Variants in USP34 observed in about 807,000 individuals in gnomAD.
USP34 encodes ubiquitin carboxyl-terminal hydrolase 34.
Under a neutral mutation model 460.3 loss-of-function variants are expected in USP34, and 70 were observed. That is an observed-to-expected ratio of 0.15 (90% CI 0.13 to 0.19). The LOEUF (loss-of-function observed/expected upper bound fraction) is 0.19, where lower values mean the gene tolerates loss of function less well. USP34 is among the 10% of genes least tolerant of loss of function. The probability of loss-of-function intolerance (pLI) is 1.00; values close to 1 mark genes in which losing one functional copy is unlikely to be tolerated. For missense variants in USP34, 3,985 were observed against 4,236.2 expected (o/e 0.94, Z 1.65); for synonymous variants, 1,647 against 1,405.3 (o/e 1.17, Z -3.85).
intron 10 of USP34, among the ~76,000 whole-genome samples, chr2:61,356,239 G>A (rs578154778): frequency 6.6e-6 from 1 of 151,278 alleles, no homozygotes; most frequent in South Asian, 2.1e-4. Flanking sequence ...TGTAATCCCA[G>A]CACTTTGGGA....
chr2:61,402,640 T>C (rs1693756261), intron 3 of USP34, among the ~76,000 whole-genome samples: 1 of 152,204 alleles, frequency 6.6e-6, no homozygotes, highest in Non-Finnish European at 1.5e-5. Flanking sequence ...GAGTTTTGAA[T>C]CTTGTCCTCC....
At chr2:61,204,810 A>G (rs1244962127) in intron 72 of USP34, among the ~76,000 whole-genome samples, 4 of 152,212 alleles carry the variant, frequency 2.6e-5, no homozygotes, top group Admixed American at 6.5e-5. Context: ...ATTTGGAAAC[A>G]AAAGATTAAA....
chr2:61,217,531 G>A (rs1687437763), intron 67 of USP34, among the ~76,000 whole-genome samples: 1 of 152,140 alleles, frequency 6.6e-6, no homozygotes. Context: ...CTTCACTACT[G>A]TAATTTTAAC....
In USP34 at chr2:61,188,643, C is replaced by G. The variant is rs773549884; in HGVS notation, c.10100G>C (p.Ser3367Thr). The stretch of plus-strand genomic sequence containing the variant: ...TTCTGTTTTCATGTCACTGATGCAG[C>G]TGTCTACAGTGTGCTCCTCATCACT... Reference protein sequence around the residue: ...VSSDEEHTVDSCISDMKTETR... With the variant: ...VSSDEEHTVDTCISDMKTETR... The change falls in exon 80 of 80, where the codon AGC becomes ACC. Residue 3367 changes from serine to threonine, a missense_variant. By Grantham distance (58) the Ser-to-Thr change is moderately conservative. Coordinates refer to ENST00000398571, the MANE Select transcript of USP34 (RefSeq NM_014709.4). 6.2e-7 allele frequency: 1 copy of G among 1,614,166 alleles called. No homozygotes were observed. The highest frequency in any genetic ancestry group is 8.5e-7 in the Non-Finnish European group (1 of 1,180,036).
chr2:61,225,187 TTAAA>T (rs1288679832), intron 62 of USP34, among the ~76,000 whole-genome samples: 1 of 152,188 alleles, frequency 6.6e-6, no homozygotes, highest in Non-Finnish European at 1.5e-5. Context: ...AAATTTAGTT[TTAAA>T]TAAGTTATGC....
chr2:61,454,877 T>C (rs1255383990), intron 1 of USP34, among the ~76,000 whole-genome samples: 1 of 148,678 alleles, frequency 6.7e-6, no homozygotes, highest in East Asian at 2.0e-4. Flanking sequence ...TTTCTTTTTT[T>C]TTTTTTTTGG....
In USP34 at chr2:61,280,251, G is replaced by T; in HGVS notation, c.5249C>A (p.Ala1750Asp). 1 of 1,537,200 alleles carries T rather than the reference G, an allele frequency of 6.5e-7. No homozygotes were observed. The highest frequency in any genetic ancestry group is 8.8e-7 in the Non-Finnish European group (1 of 1,139,754). ...KLVDNIHIKD[A>D]SQTTLLDLDA... ...ATAATTTTCTGAACATACCTGACTA[G>T]CGTCCTTTATATGTATGTTGTCAAC... is the stretch of plus-strand genomic sequence containing the variant. The change falls in exon 39 of 80, where the codon GCT becomes GAT. Residue 1750 changes from alanine to aspartate, a missense_variant. By Grantham distance (126) the Ala-to-Asp change is moderately radical (BLOSUM62 -2). Coordinates refer to ENST00000398571, the MANE Select transcript of USP34 (RefSeq NM_014709.4).
chr2:61,270,179 G>A (rs1419503935), intron 41 of USP34, among the ~76,000 whole-genome samples: 1 of 152,184 alleles, frequency 6.6e-6, no homozygotes, highest in Non-Finnish European at 1.5e-5. Flanking sequence ...GGGACCTTTG[G>A]AAGGTTATTA....
At chr2:61,231,609 G>A (rs1687908383) in intron 58 of USP34, among the ~76,000 whole-genome samples, 1 of 152,056 alleles carries the variant, frequency 6.6e-6, no homozygotes, top group Non-Finnish European at 1.5e-5. Flanking sequence ...CAGCTACTCA[G>A]GAGGCTGAGG....
intron 1 of USP34, among the ~76,000 whole-genome samples, chr2:61,464,578 A>G (rs960902199): frequency 2.0e-5 from 3 of 152,118 alleles, no homozygotes; most frequent in Admixed American, 6.6e-5. Flanking sequence ...AGTAAAATCT[A>G]CAACACATAA....
At chr2:61,435,766 T>G (rs973889295) in intron 1 of USP34, among the ~76,000 whole-genome samples, 1 of 152,120 alleles carries the variant, frequency 6.6e-6, no homozygotes, top group African/African-American at 2.4e-5. Context: ...CAGTGGCTCA[T>G]GCCTGTAATC....
At chr2:61,362,219 T>C (rs1406318951) in intron 10 of USP34, among the ~76,000 whole-genome samples, 5 of 152,150 alleles carry the variant, frequency 3.3e-5, no homozygotes, top group Non-Finnish European at 7.4e-5. Context: ...GAATGAAAAC[T>C]GGTACAGTCA....
intron 58 of USP34, among the ~76,000 whole-genome samples, chr2:61,231,764 C>G (rs1687912646): frequency 1.3e-5 from 2 of 151,530 alleles, no homozygotes; most frequent in Admixed American, 1.3e-4. Context: ...GCGTGTAGTC[C>G]TACCTGCTGA....
chr2:61,398,297 G>A (rs1693599159), intron 3 of USP34, among the ~76,000 whole-genome samples: 2 of 152,054 alleles, frequency 1.3e-5, no homozygotes, highest in Non-Finnish European at 1.5e-5. Flanking sequence ...AACTTGGGAG[G>A]TCTAGGCTGC....
intron 75 of USP34, among the ~76,000 whole-genome samples, chr2:61,193,543 G>T (rs1213098429): frequency 1.3e-5 from 2 of 152,238 alleles, no homozygotes; most frequent in Admixed American, 1.3e-4. Flanking sequence ...CTATGTCAGA[G>T]AGTGCTATTT....
intron 2 of USP34, 128 bp from the exon 3 acceptor site, chr2:61,406,256 G>C (rs1693866638): frequency 1.2e-6 from 1 of 801,116 alleles, no homozygotes; most frequent in Non-Finnish European, 1.9e-6. Context: ...CTTCCTGCTG[G>C]GGTACACCTT....
intron 41 of USP34, among the ~76,000 whole-genome samples, chr2:61,276,864 TTA>T (rs1689388277): frequency 6.6e-6 from 1 of 152,190 alleles, no homozygotes; most frequent in South Asian, 2.1e-4. Flanking sequence ...CAAGAATCCT[TTA>T]GTCTATGCCT....
At chr2:61,190,935 A>T in intron 76 of USP34, 1 of 297,388 alleles carries the variant, frequency 3.4e-6, no homozygotes, top group Non-Finnish European at 6.3e-6. Flanking sequence ...ATGCAGGTTT[A>T]TTATCCAGCA....
Position 61,319,342 on chromosome 2 carries a change from T to C in USP34, c.3014-15A>G, listed in dbSNP as rs1690843207. Reference sequence around the variant, plus strand: ...TAAACTTAACCCTAGATAAAAATTATAAATTTTATACTTTATTAACTACAT... The same window carrying C: ...TAAACTTAACCCTAGATAAAAATTACAAATTTTATACTTTATTAACTACAT... On this transcript the variant is annotated splice_polypyrimidine_tract_variant and intron_variant, in intron 21 of 79. Transcript: ENST00000398571. 11 of 1,508,454 alleles carry C rather than the reference T, an allele frequency of 7.3e-6. No individual in the cohort carries two copies. The highest frequency in any genetic ancestry group is 1.4e-5 in the African/African-American group (1 of 69,836). The allele number at this position is 1,508,454 out of a possible 1,614,324, so 93.4% of individuals were successfully genotyped here.
Sources: gnomAD v4.1 joint callset for allele counts (sites outside exome capture counted in the v4.1 genomes callset) on GRCh38, gnomAD v4.1.1 for gene constraint, MANE v1.5 for transcripts, NCBI Gene and HGNC (gene_info 2026-07-23, HGNC 2026-07-21) for gene names.